ZNF44: variants seen among roughly 807,000 people sequenced by gnomAD.
ZNF44 encodes the protein gonadotropin inducible transcription repressor-2.
Under a neutral mutation model 11.7 loss-of-function variants are expected in ZNF44, and 9 were observed. The ratio of observed to expected loss-of-function variants is 0.77; its 90% CI spans 0.46 to 1.35. The LOEUF (loss-of-function observed/expected upper bound fraction) is 1.35, where lower values mean the gene tolerates loss of function less well. Among genes scored for constraint, ZNF44 ranks in the 40% most tolerant of loss-of-function variants. ZNF44 has a pLI of 0.00. For synonymous variants in ZNF44, 224 were observed against 242.7 expected (o/e 0.92, Z 0.72); for missense variants, 696 against 743.1 (o/e 0.94, Z 0.74).
At chr19:12,252,808 A>C (rs1917065249) in intron 5 of ZNF44, among the ~76,000 whole-genome samples, 1 of 152,002 alleles carries the variant, frequency 6.6e-6, no homozygotes, top group Admixed American at 6.6e-5. Flanking sequence ...CAAACACTGA[A>C]GTCACAAAGA....
intron 5 of ZNF44, chr19:12,260,122 C>T: frequency 1.4e-6 from 1 of 707,220 alleles, no homozygotes; most frequent in Admixed American, 1.9e-5. Context: ...GAGGAGCCGC[C>T]ACCATGTCCG....
chr19:12,272,237 T>G lies in ZNF44; in HGVS notation c.*170A>C. On this transcript the variant is annotated 3_prime_UTR_variant, in exon 4 of 4. Coordinates refer to ENST00000355684, the MANE Select transcript of ZNF44 (RefSeq NM_016264.4). The stretch of plus-strand genomic sequence containing the variant: ...CCAGGCTGGTCTCGATCTCCTGGCC[T>G]CGTGATCTGCCCTCCTCGGCCTCTC... The G allele has an allele frequency of 2.6e-6, 3 of 1,153,760 alleles. No individual in the cohort carries two copies. Among genetic ancestry groups the G allele is most frequent in the Non-Finnish European group, 3.3e-6 (3 of 903,446 alleles). The allele number at this position is 1,153,760 out of a possible 1,614,324, so 71.5% of individuals were successfully genotyped here. A position where few individuals can be genotyped will look rare whatever the true frequency, so the allele number is the denominator to read the frequency against.
chr19:12,281,190 T>C (rs1967461845), intron 1 of ZNF44, among the ~76,000 whole-genome samples: 1 of 152,150 alleles, frequency 6.6e-6, no homozygotes, highest in Non-Finnish European at 1.5e-5. Flanking sequence ...AGATGAACAA[T>C]ATTCTCAGCC....
intron 1 of ZNF44, chr19:12,284,387 T>G: frequency 1.6e-6 from 1 of 617,752 alleles, no homozygotes. Flanking sequence ...CTGGGGACCC[T>G]GGGATGGGGA....
At position 12,235,872 on chromosome 19, in the gene ZNF44, A is replaced by G. The variant is rs1265566079; in HGVS notation, n.139-964T>C. Among the ~76,000 whole-genome samples, 4 of 152,228 alleles carry G rather than the reference A, an allele frequency of 2.6e-5. No homozygotes were observed. In the East Asian group the frequency reaches 7.7e-4, roughly 29 times the overall value. ...CCCAGGAACAGGGACAGATCACCCT[A>G]TAAAATTTCCAAAAGGGAACCTCAA... On this transcript the variant is annotated intron_variant and non_coding_transcript_variant, in intron 1 of 3. Coordinates refer to the ZNF44 transcript ENST00000597563.
At chr19:12,284,193 A>G (rs906963805) in intron 1 of ZNF44, 4 of 238,524 alleles carry the variant, frequency 1.7e-5, no homozygotes, top group Admixed American at 5.4e-5. Flanking sequence ...CACAGATGAA[A>G]GCCCACAAAG....
At chr19:12,234,197 C>G (rs1367822070) in intron 2 of ZNF44, among the ~76,000 whole-genome samples, 1 of 152,152 alleles carries the variant, frequency 6.6e-6, no homozygotes, top group Non-Finnish European at 1.5e-5. Context: ...GCACTGATTA[C>G]TCTGCAACAA....
At position 12,249,592 on chromosome 19, in the gene ZNF44, G is replaced by A. The variant is rs181220291; in HGVS notation, c.*186+386C>T. On this transcript the variant is annotated intron_variant and NMD_transcript_variant, in intron 7 of 7. Transcript: ENST00000393337. The stretch of plus-strand genomic sequence containing the variant: ...CCCGAGATGGAGCTTCACTCTTGTT[G>A]CCCAGGCTACAGTGCAATGGCACAA... Among the ~76,000 whole-genome samples, 981 of 151,752 alleles carry A rather than the reference G, an allele frequency of 6.5e-3. 16 individuals carry two copies. The highest frequency in any genetic ancestry group is 0.023 in the African/African-American group (935 of 41,394).
intron 1 of ZNF44, among the ~76,000 whole-genome samples, chr19:12,280,490 A>T (rs1386406015): frequency 3.3e-5 from 5 of 152,088 alleles, no homozygotes; most frequent in Non-Finnish European, 2.9e-5. Context: ...ATAGAAAATA[A>T]AATCATATAG....
downstream of ZNF44, among the ~76,000 whole-genome samples, chr19:12,245,042 T>C (rs189146840): frequency 1.3e-5 from 2 of 152,370 alleles, no homozygotes; most frequent in East Asian, 3.9e-4. Context: ...GACAAAAGCA[T>C]GCTTTGTTCC....
chr19:12,288,061 G>A (rs1470335172), intron 1 of ZNF44, among the ~76,000 whole-genome samples: 4 of 152,122 alleles, frequency 2.6e-5, no homozygotes, highest in Non-Finnish European at 5.9e-5. Flanking sequence ...AGAAAAACTG[G>A]TGTTCAATAA....
chr19:12,287,674 G>A (rs1461119835), intron 1 of ZNF44, among the ~76,000 whole-genome samples: 1 of 152,174 alleles, frequency 6.6e-6, no homozygotes, highest in Non-Finnish European at 1.5e-5. Context: ...ATTCCACTGT[G>A]TGAATATACC....
intron 1 of ZNF44, chr19:12,284,890 TC>T: frequency 1.4e-6 from 1 of 733,910 alleles, no homozygotes; most frequent in Non-Finnish European, 2.4e-6. Context: ...GTGCGCCTCA[TC>T]CCCGCACCCA....
chr19:12,243,673 T>C (rs1916691179), downstream of ZNF44, among the ~76,000 whole-genome samples: 1 of 152,242 alleles, frequency 6.6e-6, no homozygotes, highest in South Asian at 2.1e-4. Flanking sequence ...CCTTTGGTCA[T>C]ATATGCATAT....
At chr19:12,225,330 ATAT>A (rs1915869798), downstream of ZNF44, 2 of 152,262 alleles carry the variant, frequency 1.3e-5, no homozygotes, top group Non-Finnish European at 2.9e-5. Flanking sequence ...ATAATTAGGT[ATAT>A]TATTAGGAGA....
In ZNF44 at chr19:12,282,828, C is replaced by T. The variant is rs370734148; in HGVS notation, c.4-6746G>A. On this transcript the variant is annotated intron_variant, in intron 1 of 3. Transcript: ENST00000355684. Reference sequence around the variant, plus strand: ...TTCTTCAAACTGTTGATATGATTAACGTTATCTACTAACATCAAAAAAGAC... The same window carrying T: ...TTCTTCAAACTGTTGATATGATTAATGTTATCTACTAACATCAAAAAAGAC... 2.0e-4 allele frequency among the ~76,000 whole-genome samples: 31 copies of T among 152,232 alleles called. 2 individuals carry two copies. The South Asian group carries it at 6.0e-3, about 30-fold the overall frequency.
downstream of ZNF44, among the ~76,000 whole-genome samples, chr19:12,266,921 C>A (rs1465834600): frequency 6.6e-6 from 1 of 152,116 alleles, no homozygotes; most frequent in Non-Finnish European, 1.5e-5. Flanking sequence ...CCAGGTCACA[C>A]TGGAACATGG....
downstream of ZNF44, among the ~76,000 whole-genome samples, chr19:12,270,347 T>A (rs1966909605): frequency 6.6e-6 from 1 of 152,076 alleles, no homozygotes; most frequent in African/African-American, 2.4e-5. Flanking sequence ...GTTATGCTGA[T>A]GAAAAAGTGT....
chr19:12,226,345 T>C (rs963821030), exon 4 of ZNF44: 1 of 152,228 alleles, frequency 6.6e-6, no homozygotes, highest in Non-Finnish European at 1.5e-5. Context: ...ACTCCTGGCC[T>C]GTCAGAAAGT....
Sources: gnomAD v4.1 joint callset for allele counts (sites outside exome capture counted in the v4.1 genomes callset) on GRCh38, gnomAD v4.1.1 for gene constraint, MANE v1.5 for transcripts, NCBI Gene and HGNC (gene_info 2026-07-23, HGNC 2026-07-21) for gene names.